The following MDM2 variants were observed in gnomAD, a reference collection of about 807,000 sequenced individuals.
The protein encoded by MDM2 is MDM2 proto-oncogene.
In MDM2, 11 loss-of-function variants were observed where a neutral mutation model predicts 64.3. The ratio of observed to expected loss-of-function variants is 0.17; its 90% CI spans 0.11 to 0.28. The LOEUF (loss-of-function observed/expected upper bound fraction) is 0.28, where lower values mean the gene tolerates loss of function less well. Among genes scored for constraint, MDM2 ranks in the 10% least tolerant of loss-of-function variants. The pLI is 1.00. For synonymous variants in MDM2, 194 were observed against 192.9 expected (o/e 1.01, Z -0.05); for missense variants, 388 against 577.1 (o/e 0.67, Z 3.36).
rs1225774924 is a variant in MDM2, at chr12:68,845,349, A to T, written c.*5500A>T. On this transcript the variant is annotated 3_prime_UTR_variant, in exon 11 of 11. Transcript: ENST00000258149. The stretch of plus-strand genomic sequence containing the variant: ...TACTTTGAGGTAGATATCTGAAAGC[A>T]CCAGCACTTGGAAGGTGTTCAGAAG... The T allele has an allele frequency of 4.7e-6, 1 of 212,378 alleles. No homozygotes were observed. Among genetic ancestry groups the T allele is most frequent in the Non-Finnish European group, 9.5e-6 (1 of 105,040 alleles). The allele number at this position is 212,378 out of a possible 1,614,324, so 13.2% of individuals were successfully genotyped here. A position where few individuals can be genotyped will look rare whatever the true frequency, so the allele number is the denominator to read the frequency against.
At chr12:68,813,355 A>C (rs755437369) in intron 2 of MDM2, among the ~76,000 whole-genome samples, 199 bp from the exon 3 acceptor site, 2 of 152,212 alleles carry the variant, frequency 1.3e-5, no homozygotes, top group Non-Finnish European at 2.9e-5. Context: ...AGGAAAAAGT[A>C]ATCTTTGCTC....
Position 68,843,095 on chromosome 12 carries a change from T to G in MDM2, c.*3246T>G. ...GCCTTTTGCAATTTGTTGTGTGGGT[T>G]TTTTTTTTTTTAAAGCCACACAATA... On this transcript the variant is annotated 3_prime_UTR_variant, in exon 11 of 11. Coordinates refer to ENST00000258149, the MANE Select transcript of MDM2 (RefSeq NM_002392.6). The G allele has an allele frequency of 9.7e-6, 2 of 206,602 alleles. No individual in the cohort carries two copies. The highest frequency in any genetic ancestry group is 2.0e-5 in the Non-Finnish European group (2 of 102,326). 12.8% of individuals were successfully genotyped at this position (206,602 alleles called of 1,614,324 possible).
chr12:68,848,139 A>G (rs1884457349), downstream of MDM2: 1 of 152,218 alleles, frequency 6.6e-6, no homozygotes, highest in Non-Finnish European at 1.5e-5. Context: ...AAAAAAATAA[A>G]AAATAACAGT....
rs895940615 is a variant in MDM2 at position 68,845,205 on chromosome 12, TAAAAAG to T, written c.*5363_*5368del. 4.2e-4 allele frequency: 42 copies of T among 100,134 alleles called. No individual in the cohort carries two copies. Among genetic ancestry groups the T allele is most frequent in the African/African-American group, 6.1e-4 (18 of 29,494 alleles). The allele number at this position is 100,134 out of a possible 1,614,324, so 6.2% of individuals were successfully genotyped here. On this transcript the variant is annotated 3_prime_UTR_variant, in exon 11 of 11. Coordinates refer to ENST00000258149, the MANE Select transcript of MDM2 (RefSeq NM_002392.6). ...GAATTACATTTTGATTTGATACTTATAAAAAGAAAAAGTATTTCTTCAGCTTAAAAA... is the reference window on the plus strand; with the variant it reads ...GAATTACATTTTGATTTGATACTTATAAAAAGTATTTCTTCAGCTTAAAAA...
rs1883575145 is a variant in MDM2, at chr12:68,839,488, A to G, written c.1133A>G (p.Glu378Gly). ...AAAACTATAGTGAATGATTCCAGAGAGTCATGTGTTGAGGAAAATGATGAT... is the reference window on the plus strand; with the variant it reads ...AAAACTATAGTGAATGATTCCAGAGGGTCATGTGTTGAGGAAAATGATGAT... ...CKKTIVNDSR[E>G]SCVEENDDKI... Residue 378 changes from glutamate (E) to glycine (G), a missense_variant, in exon 11 of 11, where the codon GAG (glutamate) becomes GGG (glycine). Coordinates refer to ENST00000258149, the MANE Select transcript of MDM2 (RefSeq NM_002392.6). 1.9e-6 allele frequency: 3 copies of G among 1,613,936 alleles called. No individual in the cohort carries two copies. Among genetic ancestry groups the G allele is most frequent in the South Asian group, 2.2e-5 (2 of 91,088 alleles).
chr12:68,815,433 C>CTTTTTTTTT lies in MDM2; in HGVS notation c.175-1363_175-1355dup, dbSNP rs58178593. Among the ~76,000 whole-genome samples, 58 of 93,050 alleles carry CTTTTTTTTT rather than the reference C, an allele frequency of 6.2e-4. 1 individual carries two copies. The highest frequency in any genetic ancestry group is 1.7e-3 in the African/African-American group (38 of 22,790). 61.0% of individuals were successfully genotyped at this position (93,050 alleles called of 152,430 possible). Reference sequence around the variant, plus strand: ...GAAGAGCTGGGGCCAGTTTCTTCTTCTTTTTTTTTTTTTTTTTTTTTTTTA... The same window carrying CTTTTTTTTT: ...GAAGAGCTGGGGCCAGTTTCTTCTTCTTTTTTTTTTTTTTTTTTTTTTTTTTTTTTTTTA... On this transcript the variant is annotated intron_variant, in intron 3 of 10. Coordinates refer to ENST00000258149, the MANE Select transcript of MDM2 (RefSeq NM_002392.6).
intron 4 of MDM2, among the ~76,000 whole-genome samples, chr12:68,817,965 T>A (rs868202595): frequency 1.3e-5 from 2 of 151,936 alleles, no homozygotes; most frequent in Non-Finnish European, 2.9e-5. Flanking sequence ...GCCTAATTTT[T>A]GTATTTTTAG....
rs1194647541 is a variant in MDM2 at position 68,831,664 on chromosome 12, TC to T, written c.684+2735del. 2.0e-5 allele frequency among the ~76,000 whole-genome samples: 3 copies of T among 152,352 alleles called. No individual in the cohort carries two copies. The East Asian group carries it at 5.8e-4, about 29-fold the overall frequency. Reference sequence around the variant, plus strand: ...CGAAAAACCTTCCAAGGACCACTTTTCCTCTCCATTTGCCTAAAATAATTTC... The same window carrying T: ...CGAAAAACCTTCCAAGGACCACTTTTCTCTCCATTTGCCTAAAATAATTTC... On this transcript the variant is annotated intron_variant, in intron 8 of 10. Coordinates refer to ENST00000258149, the MANE Select transcript of MDM2 (RefSeq NM_002392.6).
chr12:68,816,724 C>A, intron 3 of MDM2, 88 bp from the exon 4 acceptor site: 1 of 1,150,472 alleles, frequency 8.7e-7, no homozygotes, highest in East Asian at 2.7e-5. Flanking sequence ...GTTGTTTACC[C>A]CTATTCAGAT....
rs1055660668 is a variant in MDM2, at chr12:68,836,773, A to G, written c.918+24A>G. On this transcript the variant is annotated intron_variant, in intron 10 of 10. Coordinates refer to ENST00000258149, the MANE Select transcript of MDM2 (RefSeq NM_002392.6). ...CTGTAAGTATACATCTACTTTTTTA[A>G]GAAATAAAAATTTCATTAAGGTCAA... 9 of 1,498,016 alleles carry G rather than the reference A, an allele frequency of 6.0e-6. No individual in the cohort carries two copies. In the African/African-American group the frequency reaches 1.1e-4, roughly 18 times the overall value. The allele number at this position is 1,498,016 out of a possible 1,614,324, so 92.8% of individuals were successfully genotyped here.
chr12:68,816,034 CTG>C (rs1482077360), intron 3 of MDM2, among the ~76,000 whole-genome samples: 2 of 152,028 alleles, frequency 1.3e-5, no homozygotes, highest in African/African-American at 4.8e-5. Flanking sequence ...TTCTCTCAAA[CTG>C]TTTTGTAGCT....
intron 8 of MDM2, among the ~76,000 whole-genome samples, chr12:68,833,741 T>A (rs1041560245): frequency 1.4e-4 from 21 of 152,260 alleles, no homozygotes; most frequent in African/African-American, 4.8e-4. Context: ...AAACTTTATT[T>A]ATAAAAGTCG....
chr12:68,828,847 T>G lies in MDM2; in HGVS notation c.600T>G (p.Asp200Glu). The change falls in exon 8 of 11, where the codon GAT (aspartate) becomes GAG (glutamate). Residue 200 changes from aspartate to glutamate, a missense_variant. This residue lies in a region of MDM2 where 168 missense variants were observed against 236.6 expected (regional missense o/e 0.71). Transcript: ENST00000258149. ...CTGATAGTATTTCCCTTTCCTTTGA[T>G]GAAAGCCTGGCTCTGTGTGTAATAA... is the stretch of plus-strand genomic sequence containing the variant. The part of the protein sequence containing the change: ...HKSDSISLSF[D>E]ESLALCVIRE... 6.2e-7 allele frequency: 1 copy of G among 1,614,056 alleles called. No individual in the cohort carries two copies. Among genetic ancestry groups the G allele is most frequent in the Non-Finnish European group, 8.5e-7 (1 of 1,179,954 alleles).
rs1883927517 is a variant in MDM2, at chr12:68,843,033, A to C, written c.*3184A>C. The C allele has an allele frequency of 4.6e-6, 1 of 215,454 alleles. No homozygotes were observed. Among genetic ancestry groups the C allele is most frequent in the Non-Finnish European group, 9.3e-6 (1 of 107,272 alleles). 13.3% of individuals were successfully genotyped at this position (215,454 alleles called of 1,614,324 possible). A position where few individuals can be genotyped will look rare whatever the true frequency, so the allele number is the denominator to read the frequency against. ...CTGGTAGAACAAGCTTTATTTTTCG[A>C]GCCTAGCAATGATCTAGAAGCAGAT... is the stretch of plus-strand genomic sequence containing the variant. On this transcript the variant is annotated 3_prime_UTR_variant, in exon 11 of 11. Transcript: ENST00000258149.
At chr12:68,824,842 T>A in intron 7 of MDM2, 191 bp downstream of exon 7, 1 of 558,226 alleles carries the variant, frequency 1.8e-6, no homozygotes, top group African/African-American at 1.9e-5. Context: ...TCTGGCTGAC[T>A]ACAGCAGGCA....
chr12:68,825,827 C>T (rs1056201994), intron 7 of MDM2, among the ~76,000 whole-genome samples: 7 of 152,096 alleles, frequency 4.6e-5, no homozygotes, highest in African/African-American at 1.4e-4. Context: ...ACCAGAATCT[C>T]GTACATGCGG....
rs1883710498 is a variant in MDM2, at chr12:68,840,856, T to C, written c.*1007T>C. ...TACTCTTTTTTTTTTTTTTTTTTTT[T>C]TTTTTTGAGACAGAGTCTTGCTCCA... On this transcript the variant is annotated 3_prime_UTR_variant, in exon 11 of 11. Transcript: ENST00000258149. 6.8e-6 allele frequency: 1 copy of C among 147,860 alleles called. No homozygotes were observed. The highest frequency in any genetic ancestry group is 2.7e-5 in the African/African-American group (1 of 37,480). The allele number at this position is 147,860 out of a possible 1,614,324, so 9.2% of individuals were successfully genotyped here. A position where few individuals can be genotyped will look rare whatever the true frequency, so the allele number is the denominator to read the frequency against.
chr12:68,847,126 A>G (rs903944652), downstream of MDM2: 7 of 139,154 alleles, frequency 5.0e-5, no homozygotes, highest in Admixed American at 7.2e-5. Context: ...TATATATATT[A>G]TATATAATAT....
Position 68,813,643 on chromosome 12 carries a change from G to C in MDM2, c.174+15G>C. ...CTATGAAAGAGGTAAGCTGAATCAA[G>C]AGATAAGTAGTATCTCACTAGTTAC... is the stretch of plus-strand genomic sequence containing the variant. On this transcript the variant is annotated intron_variant, in intron 3 of 10. Coordinates refer to ENST00000258149, the MANE Select transcript of MDM2 (RefSeq NM_002392.6). 1 of 1,585,312 alleles carries C rather than the reference G, an allele frequency of 6.3e-7. No homozygotes were observed.
Sources: allele counts gnomAD v4.1 joint callset (sites outside exome capture counted in the v4.1 genomes callset), GRCh38; gene constraint gnomAD v4.1.1; regional missense constraint gnomAD v4.1.1; transcripts MANE v1.5; gene names NCBI Gene and HGNC (gene_info 2026-07-23, HGNC 2026-07-21).